BAZ2B: variants seen among roughly 807,000 people sequenced by gnomAD.
BAZ2B encodes the protein bromodomain adjacent to zinc finger domain protein 2B.
BAZ2B carries 91 observed loss-of-function variants against 246.0 expected under a neutral mutation model. The ratio of observed to expected loss-of-function variants is 0.37; its 90% CI spans 0.31 to 0.44. BAZ2B has a LOEUF of 0.44. BAZ2B is among the 20% of genes least tolerant of loss of function. The probability of loss-of-function intolerance (pLI) is 1.00; values close to 1 mark genes in which losing one functional copy is unlikely to be tolerated. For synonymous variants in BAZ2B, 855 were observed against 860.0 expected, an observed-to-expected ratio of 0.99 and a Z score of 0.10; for missense variants, 2,332 against 2,533.7, an observed-to-expected ratio of 0.92 and a Z score of 1.71.
intron 2 of BAZ2B, among the ~76,000 whole-genome samples, chr2:159,492,006 G>T (rs1401630379): frequency 6.6e-6 from 1 of 152,102 alleles, no homozygotes; most frequent in Non-Finnish European, 1.5e-5. Flanking sequence ...TCATGTGGCA[G>T]CACATATCTA....
intron 14 of BAZ2B, among the ~76,000 whole-genome samples, chr2:159,408,641 G>A (rs868566298): frequency 3.9e-5 from 6 of 152,132 alleles, no homozygotes; most frequent in African/African-American, 1.2e-4. Context: ...GAAAAAGGCC[G>A]GGCGCAGCAG....
At position 159,373,195 on chromosome 2, in the gene BAZ2B, A is replaced by G; in HGVS notation, c.4069-6T>C. ...CTTCTGTACTGACTCTGTTGCTGTTAAAAAAATGGTACATATAATTAGGTT... is the reference window on the plus strand; with the variant it reads ...CTTCTGTACTGACTCTGTTGCTGTTGAAAAAATGGTACATATAATTAGGTT... On this transcript the variant is annotated splice_polypyrimidine_tract_variant and splice_region_variant and intron_variant, in intron 26 of 36. Transcript: ENST00000392783. The G allele has an allele frequency of 6.3e-7, 1 of 1,599,036 alleles. No homozygotes were observed. Among genetic ancestry groups the G allele is most frequent in the East Asian group, 2.2e-5 (1 of 44,544 alleles).
the BAZ2B span, among the ~76,000 whole-genome samples, chr2:159,628,165 A>G: frequency 1.3e-5 from 2 of 152,202 alleles, no homozygotes; most frequent in Non-Finnish European, 2.9e-5. Flanking sequence ...CAAGGAAGTA[A>G]GAGAGGACAC....
chr2:159,668,677 C>T, the BAZ2B span, among the ~76,000 whole-genome samples: 1 of 152,042 alleles, frequency 6.6e-6, no homozygotes, highest in Non-Finnish European at 1.5e-5. Context: ...TATCTTTATT[C>T]CTTCTTCCTT....
intron 18 of BAZ2B, chr2:159,398,286 C>T (rs1475589804): frequency 1.3e-5 from 2 of 152,166 alleles, no homozygotes; most frequent in African/African-American, 2.4e-5. Context: ...CCCCCAAATA[C>T]ATGAAGTTAA....
chr2:159,643,299 T>C, the BAZ2B span, among the ~76,000 whole-genome samples: 2 of 152,194 alleles, frequency 1.3e-5, no homozygotes, highest in Admixed American at 6.5e-5. Context: ...CTGAAGCCTC[T>C]TCTCTTGGCT....
At chr2:159,698,232 T>C in the BAZ2B span, among the ~76,000 whole-genome samples, 1 of 151,900 alleles carries the variant, frequency 6.6e-6, no homozygotes, top group African/African-American at 2.4e-5. Flanking sequence ...TATAAAAATA[T>C]TTTACTAGGC....
At position 159,402,381 on chromosome 2, in the gene BAZ2B, C is replaced by T. The variant is rs189981183; in HGVS notation, c.2833-1717G>A. Reference sequence around the variant, plus strand: ...AGGAGAATTGCTGGAACCCAGGAGGCGGAGGCTGCAGTGAGCAGAGATCGT... The same window carrying T: ...AGGAGAATTGCTGGAACCCAGGAGGTGGAGGCTGCAGTGAGCAGAGATCGT... On this transcript the variant is annotated intron_variant, in intron 16 of 36. Coordinates refer to ENST00000392783, the MANE Select transcript of BAZ2B (RefSeq NM_013450.4). Among the ~76,000 whole-genome samples the T allele has an allele frequency of 2.6e-3, 389 of 152,142 alleles. 1 individual carries two copies. The highest frequency in any genetic ancestry group is 9.0e-3 in the African/African-American group (372 of 41,520).
At chr2:159,557,209 C>A (rs1371506576) in intron 1 of BAZ2B, among the ~76,000 whole-genome samples, 1 of 145,914 alleles carries the variant, frequency 6.9e-6, no homozygotes, top group Non-Finnish European at 1.5e-5. Flanking sequence ...GTCACTACAC[C>A]TGGCTAATTA....
intron 2 of BAZ2B, among the ~76,000 whole-genome samples, chr2:159,531,197 T>C (rs2085343794): frequency 1.3e-5 from 2 of 152,182 alleles, no homozygotes; most frequent in African/African-American, 4.8e-5. Context: ...AGTCATAAAC[T>C]AGCTAAGTAG....
rs192756269 is a variant in BAZ2B at position 159,389,296 on chromosome 2, G to A, written c.3216+49C>T. ...GGCAAAGAAATCAGGTAAGAAAACTGGAAAAATTAAACTTATGAATGAAAT... is the reference window on the plus strand; with the variant it reads ...GGCAAAGAAATCAGGTAAGAAAACTAGAAAAATTAAACTTATGAATGAAAT... On this transcript the variant is annotated intron_variant, in intron 21 of 36. Coordinates refer to ENST00000392783, the MANE Select transcript of BAZ2B (RefSeq NM_013450.4). 697 of 1,498,832 alleles carry A rather than the reference G, an allele frequency of 4.7e-4. 4 individuals are homozygous for A. In the African/African-American group the frequency reaches 9.2e-3, roughly 20 times the overall value. 92.8% of individuals were successfully genotyped at this position (1,498,832 alleles called of 1,614,324 possible).
At chr2:159,514,963 TGA>T (rs2083282532) in intron 2 of BAZ2B, among the ~76,000 whole-genome samples, 1 of 152,112 alleles carries the variant, frequency 6.6e-6, no homozygotes, top group Non-Finnish European at 1.5e-5. Context: ...CAAAAATTAC[TGA>T]GTTACCTAAA....
the BAZ2B span, among the ~76,000 whole-genome samples, chr2:159,655,095 G>A: frequency 6.6e-6 from 1 of 152,024 alleles, no homozygotes; most frequent in African/African-American, 2.4e-5. Context: ...TAAGGAATTG[G>A]CTAATGGAAA....
In BAZ2B at chr2:159,555,116, T is replaced by C. The variant is rs1210624085; in HGVS notation, c.-3+707A>G. ...TTTTTTTTTTTTTTTTTTTTAGAGA[T>C]GGAGTCTCTCTATTGCCCAGGTTGG... On this transcript the variant is annotated intron_variant, in intron 2 of 36. Coordinates refer to ENST00000392783, the MANE Select transcript of BAZ2B (RefSeq NM_013450.4). 5.5e-5 allele frequency among the ~76,000 whole-genome samples: 8 copies of C among 145,240 alleles called. No individual in the cohort carries two copies. In the Admixed American group the frequency reaches 5.5e-4, roughly 10 times the overall value.
At chr2:159,412,685 T>A in intron 13 of BAZ2B, 140 bp from the exon 14 acceptor site, 1 of 741,790 alleles carries the variant, frequency 1.3e-6, no homozygotes, top group Non-Finnish European at 2.1e-6. Flanking sequence ...ATTTCATTTT[T>A]AAATTAAACT....
the BAZ2B span, among the ~76,000 whole-genome samples, chr2:159,637,105 C>A: frequency 6.6e-6 from 1 of 152,178 alleles, no homozygotes; most frequent in South Asian, 2.1e-4. Context: ...TGGGACCCAG[C>A]ACAATCCCAG....
the BAZ2B span, among the ~76,000 whole-genome samples, chr2:159,680,153 C>A: frequency 1.3e-5 from 2 of 152,054 alleles, no homozygotes; most frequent in Non-Finnish European, 2.9e-5. Flanking sequence ...GCTATCAGTA[C>A]CAGAACAAAA....
chr2:159,466,827 T>C (rs865976647), intron 3 of BAZ2B, among the ~76,000 whole-genome samples: 2 of 152,250 alleles, frequency 1.3e-5, no homozygotes, highest in Non-Finnish European at 2.9e-5. Context: ...CCATTTTTTT[T>C]CTTCTCTGCA....
intron 2 of BAZ2B, among the ~76,000 whole-genome samples, chr2:159,506,739 C>T (rs1256410167): frequency 6.6e-6 from 1 of 152,186 alleles, no homozygotes; most frequent in Non-Finnish European, 1.5e-5. Flanking sequence ...AATGTCTTTT[C>T]TCCTCTCAGT....
Sources: allele counts gnomAD v4.1 joint callset (sites outside exome capture counted in the v4.1 genomes callset), GRCh38; gene constraint gnomAD v4.1.1; transcripts MANE v1.5; gene names NCBI Gene and HGNC (gene_info 2026-07-23, HGNC 2026-07-21).